The following ALMS1 variants were observed in gnomAD, a reference collection of about 807,000 sequenced individuals.
ALMS1 encodes the protein ALMS1 centrosome and basal body associated protein, also known as centrosome-associated protein ALMS1.
In ALMS1, 271 loss-of-function variants were observed where a neutral mutation model predicts 352.2. The ratio of observed to expected loss-of-function variants is 0.77; its 90% CI spans 0.70 to 0.85. The LOEUF is 0.85. Ranked by LOEUF, ALMS1 falls within the 40% of genes least tolerant of loss-of-function variation. The probability of loss-of-function intolerance (pLI) is 0.00; values close to 1 mark genes in which losing one functional copy is unlikely to be tolerated. For missense variants in ALMS1, 5,445 were observed against 4,870.7 expected, an observed-to-expected ratio of 1.12 and a Z score of -3.51; for synonymous variants, 1,865 against 1,761.2, an observed-to-expected ratio of 1.06 and a Z score of -1.48.
At position 73,386,025 on chromosome 2, in the gene ALMS1, G is replaced by A. The variant is rs2104058756; in HGVS notation, c.157G>A (p.Glu53Lys). ...VEEVEEEAGR[E>K]LDSDSHYGPQ... Reference sequence around the variant, plus strand: ...GGAGGTGGAGGAAGAGGCGGGGCGGGAGTTGGACTCCGACTCTCACTACGG... The same window carrying A: ...GGAGGTGGAGGAAGAGGCGGGGCGGAAGTTGGACTCCGACTCTCACTACGG... Residue 53 changes from glutamate (E) to lysine (K), a missense_variant, in exon 1 of 23, where the codon GAG becomes AAG. Glu to Lys is a moderately conservative substitution (Grantham distance 56). Coordinates refer to ENST00000613296, the MANE Select transcript of ALMS1 (RefSeq NM_001378454.1). The A allele has an allele frequency of 6.4e-7, 1 of 1,558,824 alleles. No individual in the cohort carries two copies. The highest frequency in any genetic ancestry group is 1.7e-4 in the Middle Eastern group (1 of 5,990).
In ALMS1 at chr2:73,521,051, G is replaced by C. The variant is rs922576387; in HGVS notation, c.9781+1035G>C. ...AATGTAAAGAAAATTGTTTAGTTCA[G>C]CATTTAAATTGCATTGAATTTAAGT... On this transcript the variant is annotated intron_variant, in intron 11 of 22. Transcript: ENST00000613296. Among the ~76,000 whole-genome samples, 3 of 152,178 alleles carry C rather than the reference G, an allele frequency of 2.0e-5. No individual in the cohort carries two copies. In the East Asian group the frequency reaches 5.8e-4, roughly 29 times the overall value.
chr2:73,524,171 T>C (rs1289456950), intron 11 of ALMS1, among the ~76,000 whole-genome samples: 2 of 152,218 alleles, frequency 1.3e-5, no homozygotes, highest in Non-Finnish European at 2.9e-5. Flanking sequence ...ATTGTAAAGG[T>C]ATCATTTATT....
intron 15 of ALMS1, 86 bp from the exon 16 acceptor site, chr2:73,572,176 T>G (rs138364707): frequency 3.8e-4 from 443 of 1,158,688 alleles, no homozygotes; most frequent in South Asian, 1.8e-3. Flanking sequence ...TAGTCTTTGT[T>G]CTGTATCTAA....
intron 4 of ALMS1, among the ~76,000 whole-genome samples, chr2:73,423,474 C>A (rs1671321342): frequency 6.6e-6 from 1 of 152,112 alleles, no homozygotes; most frequent in Non-Finnish European, 1.5e-5. Flanking sequence ...TGAACAGATA[C>A]TCCAAATTCA....
intron 9 of ALMS1, among the ~76,000 whole-genome samples, chr2:73,465,175 G>A (rs1270454148): frequency 6.6e-5 from 10 of 151,952 alleles, no homozygotes; most frequent in Middle Eastern, 3.2e-3. Context: ...AGCCTGCATC[G>A]CCAAGTCAAT....
chr2:73,599,635 T>C (rs1675630143), intron 17 of ALMS1, 114 bp downstream of exon 17: 6 of 1,286,158 alleles, frequency 4.7e-6, no homozygotes, highest in Non-Finnish European at 6.6e-6. Flanking sequence ...TATATCCAAC[T>C]GCCAATTTTC....
At chr2:73,546,557 C>T (rs965256077) in intron 12 of ALMS1, among the ~76,000 whole-genome samples, 2 of 152,122 alleles carry the variant, frequency 1.3e-5, no homozygotes, top group Non-Finnish European at 2.9e-5. Flanking sequence ...TAAATAAGTA[C>T]GTAATTACAA....
intron 1 of ALMS1, among the ~76,000 whole-genome samples, chr2:73,398,816 A>G (rs750477320): frequency 3.9e-5 from 6 of 151,986 alleles, no homozygotes; most frequent in Non-Finnish European, 8.8e-5. Context: ...TTTACTTATT[A>G]ATTCCAGGAA....
intron 10 of ALMS1, among the ~76,000 whole-genome samples, chr2:73,519,000 C>G (rs903281654): frequency 6.6e-6 from 1 of 152,162 alleles, no homozygotes; most frequent in African/African-American, 2.4e-5. Context: ...TTGCCTGTTT[C>G]TGTGTCTGGA....
chr2:73,396,620 T>C (rs2103645740), intron 1 of ALMS1, among the ~76,000 whole-genome samples: 1 of 147,848 alleles, frequency 6.8e-6, no homozygotes, highest in African/African-American at 2.6e-5. Context: ...TTTTTTCTTC[T>C]TATGGGTCTA....
At chr2:73,476,962 A>C (rs1672596245) in intron 9 of ALMS1, among the ~76,000 whole-genome samples, 1 of 152,132 alleles carries the variant, frequency 6.6e-6, no homozygotes, top group Admixed American at 6.5e-5. Flanking sequence ...GGTATTCAGT[A>C]CATTGTTTCA....
At chr2:73,491,943 T>C (rs1672998982) in intron 10 of ALMS1, among the ~76,000 whole-genome samples, 1 of 152,162 alleles carries the variant, frequency 6.6e-6, no homozygotes, top group African/African-American at 2.4e-5. Context: ...AAATATTTAG[T>C]ATTTACAAAG....
chr2:73,455,529 A>T (rs1452268669), intron 9 of ALMS1, among the ~76,000 whole-genome samples: 1 of 152,128 alleles, frequency 6.6e-6, no homozygotes, highest in Non-Finnish European at 1.5e-5. Flanking sequence ...TCAGCCTCTC[A>T]GGTAGCTGGG....
chr2:73,473,487 T>C (rs1340479070), intron 9 of ALMS1, among the ~76,000 whole-genome samples: 1 of 151,970 alleles, frequency 6.6e-6, no homozygotes, highest in East Asian at 1.9e-4. Flanking sequence ...TAATATTCAA[T>C]ATGTCCAGTT....
chr2:73,412,640 A>G (rs981791668), intron 2 of ALMS1, among the ~76,000 whole-genome samples: 9 of 152,136 alleles, frequency 5.9e-5, no homozygotes, highest in Admixed American at 2.6e-4. Flanking sequence ...TACTAAAAAT[A>G]TAAAAATTAG....
chr2:73,489,524 C>T (rs1672927289), intron 9 of ALMS1, 110 bp from the exon 10 acceptor site: 1 of 1,247,500 alleles, frequency 8.0e-7, no homozygotes. Flanking sequence ...AATGACATGA[C>T]CTTCATGGTC....
intron 10 of ALMS1, among the ~76,000 whole-genome samples, chr2:73,517,533 G>T (rs982472826): frequency 6.6e-6 from 1 of 151,610 alleles, no homozygotes; most frequent in Non-Finnish European, 1.5e-5. Flanking sequence ...CAGATGTGAG[G>T]CACTGTGCCA....
chr2:73,438,363 A>G (rs1671647482), intron 7 of ALMS1, among the ~76,000 whole-genome samples: 1 of 152,224 alleles, frequency 6.6e-6, no homozygotes, highest in Non-Finnish European at 1.5e-5. Context: ...AGTCAAGATA[A>G]TTTACATATC....
rs543828730 is a variant in ALMS1, at chr2:73,587,058, C to T, written c.11548-12343C>T. On this transcript the variant is annotated intron_variant, in intron 16 of 22. Transcript: ENST00000613296. ...CAGTTGTTGTAAAAGGGATTGAGTT[C>T]TTGATTTGTTTCTCAGCTTGGTCTT... 1.3e-4 allele frequency among the ~76,000 whole-genome samples: 19 copies of T among 151,938 alleles called. No homozygotes were observed. In the South Asian group the frequency reaches 4.0e-3, roughly 32 times the overall value.
Sources: allele counts gnomAD v4.1 joint callset (sites outside exome capture counted in the v4.1 genomes callset), GRCh38; gene constraint gnomAD v4.1.1; transcripts MANE v1.5; gene names NCBI Gene and HGNC (gene_info 2026-07-23, HGNC 2026-07-21).